The following G2E3 variants were observed in gnomAD, a reference collection of about 807,000 sequenced individuals.
The protein encoded by G2E3 is G2/M-phase specific E3 ubiquitin protein ligase, also known as G2/M phase-specific E3 ubiquitin-protein ligase.
Under a neutral mutation model 92.8 loss-of-function variants are expected in G2E3, and 35 were observed. That is an observed-to-expected ratio of 0.38 (90% CI 0.29 to 0.50). The LOEUF (loss-of-function observed/expected upper bound fraction) is 0.50, where lower values mean the gene tolerates loss of function less well. G2E3 is among the 20% of genes least tolerant of loss of function. G2E3 has a pLI of 0.94. For synonymous variants in G2E3, 242 were observed against 272.4 expected (o/e 0.89, Z 1.10); for missense variants, 554 against 823.8 (o/e 0.67, Z 4.01).
rs374612776 is a variant in G2E3, at chr14:30,563,210, CTT to C, written c.-5+3939_-5+3940del. On this transcript the variant is annotated intron_variant, in intron 1 of 14. Transcript: ENST00000206595. ...GTATGTTAGATGTAATAAAAAGTAT[CTT>C]AATTCAAAATGTTAGGGAATTAAAA... Among the ~76,000 whole-genome samples, 142 of 151,012 alleles carry C rather than the reference CTT, an allele frequency of 9.4e-4. 1 individual carries two copies. The highest frequency in any genetic ancestry group is 3.2e-3 in the African/African-American group (130 of 41,050).
At position 30,612,196 on chromosome 14, in the gene G2E3, C is replaced by G. The variant is rs1202863805; in HGVS notation, c.1501-11C>G. ...ATGAGTAAAGTGGCTGTATTTTCTC[C>G]TTCATTACAGATAAATACTGCAACA... On this transcript the variant is annotated splice_polypyrimidine_tract_variant and intron_variant, in intron 12 of 14. Transcript: ENST00000206595. 6.3e-7 allele frequency: 1 copy of G among 1,592,624 alleles called. No individual in the cohort carries two copies. Among genetic ancestry groups the G allele is most frequent in the South Asian group, 1.1e-5 (1 of 88,874 alleles).
At chr14:30,570,817 G>A (rs1879714884) in intron 1 of G2E3, among the ~76,000 whole-genome samples, 1 of 152,050 alleles carries the variant, frequency 6.6e-6, no homozygotes, top group Non-Finnish European at 1.5e-5. Context: ...CATTTTCGTG[G>A]ATGTGTTCTG....
chr14:30,561,272 A>G (rs1018944126), intron 1 of G2E3, among the ~76,000 whole-genome samples: 2 of 152,220 alleles, frequency 1.3e-5, no homozygotes, highest in Admixed American at 6.5e-5. Flanking sequence ...TTCTCACACA[A>G]CTAGTAACAC....
chr14:30,572,459 C>G (rs73264305), intron 1 of G2E3, among the ~76,000 whole-genome samples: 3,644 of 152,176 alleles, frequency 0.024, 180 homozygotes, highest in African/African-American at 0.082. Flanking sequence ...TATCTGTTGA[C>G]ATTGTGTCAC....
chr14:30,592,519 T>G lies in G2E3; in HGVS notation c.362+72T>G, dbSNP rs1422581726. 24 of 1,130,560 alleles carry G rather than the reference T, an allele frequency of 2.1e-5. No homozygotes were observed. The South Asian group carries it at 3.7e-4, about 17-fold the overall frequency. The allele number at this position is 1,130,560 out of a possible 1,614,324, so 70.0% of individuals were successfully genotyped here. A position where few individuals can be genotyped will look rare whatever the true frequency, so the allele number is the denominator to read the frequency against. ...GTGGAAAATACATATCCCAATGATA[T>G]AATACTACAATAAATTTTCTGTTTA... On this transcript the variant is annotated intron_variant, in intron 5 of 14. Coordinates refer to ENST00000206595, the MANE Select transcript of G2E3 (RefSeq NM_017769.5).
chr14:30,571,176 C>CA (rs1879737682), intron 1 of G2E3, among the ~76,000 whole-genome samples: 6 of 137,904 alleles, frequency 4.4e-5, no homozygotes. Flanking sequence ...AGTGGGTTTG[C>CA]TTTTTTTTTT....
intron 6 of G2E3, among the ~76,000 whole-genome samples, chr14:30,594,409 G>T (rs988258776): frequency 1.3e-5 from 2 of 152,182 alleles, no homozygotes; most frequent in African/African-American, 2.4e-5. Context: ...AAAGATGTAG[G>T]CCGGGTGTGG....
chr14:30,569,243 G>A (rs1196837715), intron 1 of G2E3, among the ~76,000 whole-genome samples: 1 of 152,070 alleles, frequency 6.6e-6, no homozygotes, highest in African/African-American at 2.4e-5. Context: ...AAACTTTATG[G>A]TCTTTCTTGA....
chr14:30,609,782 C>T (rs1594511464), intron 12 of G2E3, among the ~76,000 whole-genome samples: 1 of 151,902 alleles, frequency 6.6e-6, no homozygotes, highest in East Asian at 1.9e-4. Flanking sequence ...CTTTTCTTTC[C>T]AAGAGACTTC....
chr14:30,605,156 A>G (rs1881770671), intron 10 of G2E3, among the ~76,000 whole-genome samples: 1 of 152,138 alleles, frequency 6.6e-6, no homozygotes, highest in Admixed American at 6.5e-5. Flanking sequence ...TCTGCCTCCC[A>G]AAGTGCTGGG....
Position 30,615,444 on chromosome 14 carries a change from T to C in G2E3, c.1769T>C (p.Leu590Pro), listed in dbSNP as rs1437348542. The change falls in exon 14 of 15, where the codon CTT becomes CCT. Residue 590 changes from leucine (L) to proline (P), a missense_variant. Leu to Pro is a moderately conservative substitution (Grantham distance 98). Around this residue, in one of 3 missense-constraint regions of G2E3, gnomAD observed 397 missense variants for 560.3 expected, o/e 0.71. Coordinates refer to ENST00000206595, the MANE Select transcript of G2E3 (RefSeq NM_017769.5). ...CSILCHKPES[L>P]SAKILSELFT... is the part of the protein sequence containing the mutation. Reference sequence around the variant, plus strand: ...ATCCTGTGTCATAAACCTGAGAGTCTTTCTGCAAAAATCCTTAGTGAGCTT... The same window carrying C: ...ATCCTGTGTCATAAACCTGAGAGTCCTTCTGCAAAAATCCTTAGTGAGCTT... 1.2e-6 allele frequency: 2 copies of C among 1,611,722 alleles called. No individual in the cohort carries two copies.
At chr14:30,579,790 T>C (rs1331534464) in intron 1 of G2E3, among the ~76,000 whole-genome samples, 1 of 152,222 alleles carries the variant, frequency 6.6e-6, no homozygotes, top group African/African-American at 2.4e-5. Flanking sequence ...AACTGGTTTT[T>C]GCAACTATAA....
intron 12 of G2E3, 96 bp downstream of exon 12, chr14:30,608,165 G>T: frequency 1.4e-6 from 1 of 690,332 alleles, no homozygotes; most frequent in Non-Finnish European, 2.3e-6. Context: ...TATTATCTAT[G>T]AAGGAGTTAG....
At chr14:30,600,536 G>A (rs764413398) in intron 8 of G2E3, among the ~76,000 whole-genome samples, 2 of 152,132 alleles carry the variant, frequency 1.3e-5, no homozygotes, top group South Asian at 2.1e-4. Context: ...ATTTTAAGAA[G>A]CAATACATTC....
chr14:30,583,977 C>T (rs944505073), intron 2 of G2E3, among the ~76,000 whole-genome samples: 3 of 152,140 alleles, frequency 2.0e-5, no homozygotes, highest in Non-Finnish European at 4.4e-5. Context: ...ACATTTTAAT[C>T]GCCCTCAAAG....
chr14:30,598,230 A>G (rs975761706), intron 7 of G2E3: 4 of 329,552 alleles, frequency 1.2e-5, no homozygotes, highest in African/African-American at 4.3e-5. Context: ...ACTAAAAAAT[A>G]CAAAAACCAG....
In G2E3 at chr14:30,620,038, A is replaced by G. The variant is rs1331823205; in HGVS notation, c.*3504A>G. 6.6e-6 allele frequency: 1 copy of G among 152,242 alleles called. No individual in the cohort carries two copies. Among genetic ancestry groups the G allele is most frequent in the African/African-American group, 2.4e-5 (1 of 41,468 alleles). The allele number at this position is 152,242 out of a possible 1,614,324, so 9.4% of individuals were successfully genotyped here. On this transcript the variant is annotated 3_prime_UTR_variant, in exon 15 of 15. Transcript: ENST00000206595. The stretch of plus-strand genomic sequence containing the variant: ...TGTATCCTCTAATGTAAAATAGCTT[A>G]CCAGAATAAATTATTTAAGCCAAAA...
chr14:30,605,650 C>T lies in G2E3; in HGVS notation c.1156C>T (p.Pro386Ser), dbSNP rs997578937. 4 of 1,609,068 alleles carry T rather than the reference C, an allele frequency of 2.5e-6. No homozygotes were observed. The highest frequency in any genetic ancestry group is 3.4e-6 in the Non-Finnish European group (4 of 1,176,116). ...LDAFRNRNFN[P>S]SYAIEVAYVI... Reference sequence around the variant, plus strand: ...TGCATTCAGAAATCGAAACTTTAATCCTTCATATGCAATTGAAGTAGCATA... The same window carrying T: ...TGCATTCAGAAATCGAAACTTTAATTCTTCATATGCAATTGAAGTAGCATA... Residue 386 changes from proline (P) to serine (S), a missense_variant, in exon 11 of 15, where the codon CCT becomes TCT. Pro to Ser is a moderately conservative substitution (Grantham distance 74). Transcript: ENST00000206595.
At chr14:30,585,210 C>T (rs889834647) in intron 2 of G2E3, among the ~76,000 whole-genome samples, 1 of 152,140 alleles carries the variant, frequency 6.6e-6, no homozygotes, top group African/African-American at 2.4e-5. Flanking sequence ...GTTACCTGTG[C>T]TTTTAGTATC....
Sources: allele counts gnomAD v4.1 joint callset (sites outside exome capture counted in the v4.1 genomes callset), GRCh38; gene constraint gnomAD v4.1.1; regional missense constraint gnomAD v4.1.1; transcripts MANE v1.5; gene names NCBI Gene and HGNC (gene_info 2026-07-23, HGNC 2026-07-21).